Variants in GSTO2 observed in about 807,000 individuals in gnomAD.
GSTO2 encodes glutathione S-transferase omega-2.
GSTO2 carries 23 observed loss-of-function variants against 28.4 expected under a neutral mutation model. That is an observed-to-expected ratio of 0.81 (90% CI 0.58 to 1.15). GSTO2 has a LOEUF of 1.15. Among genes scored for constraint, GSTO2 ranks in the 50% most tolerant of loss-of-function variants. The probability of loss-of-function intolerance (pLI) is 0.00; values close to 1 mark genes in which losing one functional copy is unlikely to be tolerated. For synonymous variants in GSTO2, 109 were observed against 111.0 expected, an observed-to-expected ratio of 0.98 and a Z score of 0.11; for missense variants, 298 against 297.8, an observed-to-expected ratio of 1.00 and a Z score of 0.00.
In GSTO2 at chr10:104,299,188, A is replaced by G; in HGVS notation, c.636A>G (p.Thr212=). 1 of 1,614,208 alleles carries G rather than the reference A, an allele frequency of 6.2e-7. No individual in the cohort carries two copies. ...LWISAMKWDP[T]VCALLMDKSI... is the part of the protein sequence containing the mutation. ...TATCAGCCATGAAGTGGGACCCCAC[A>G]GTCTGTGCTCTTCTCATGGATAAGA... Residue 212 remains threonine (T), a synonymous_variant, in exon 7 of 7, where the codon ACA becomes ACG. Transcript: ENST00000338595.
chr10:104,279,611 A>T, intron 5 of GSTO2, 140 bp downstream of exon 5: 1 of 618,484 alleles, frequency 1.6e-6, no homozygotes. Flanking sequence ...ATCTGATTGC[A>T]TGTTTGCCCT....
intron 3 of GSTO2, among the ~76,000 whole-genome samples, chr10:104,275,938 T>C (rs1315116326): frequency 6.6e-6 from 1 of 152,000 alleles, no homozygotes; most frequent in Non-Finnish European, 1.5e-5. Context: ...TGTCTGGAAG[T>C]TTTCAAGACA....
At position 104,299,439 on chromosome 10, in the gene GSTO2, C is replaced by T. The variant is rs779040041; in HGVS notation, c.*155C>T. The T allele has an allele frequency of 2.0e-4, 170 of 855,558 alleles. No homozygotes were observed. Among genetic ancestry groups the T allele is most frequent in the Non-Finnish European group, 3.0e-4 (165 of 550,700 alleles). 53.0% of individuals were successfully genotyped at this position (855,558 alleles called of 1,614,324 possible). A position where few individuals can be genotyped will look rare whatever the true frequency, so the allele number is the denominator to read the frequency against. ...ATGTATTCTTCTGATAATCATTTGT[C>T]TGACTCCTCTAGCCTGTAGCTGCTG... is the stretch of plus-strand genomic sequence containing the variant. On this transcript the variant is annotated 3_prime_UTR_variant, in exon 7 of 7. Coordinates refer to ENST00000338595, the MANE Select transcript of GSTO2 (RefSeq NM_183239.2).
intron 5 of GSTO2, 136 bp downstream of exon 5, chr10:104,279,607 T>C (rs878897891): frequency 2.4e-5 from 15 of 621,568 alleles, no homozygotes; most frequent in South Asian, 1.5e-4. Context: ...GATCATCTGA[T>C]TGCATGTTTG....
At chr10:104,269,300 A>G (rs2011267260) in intron 1 of GSTO2, 31 bp downstream of exon 1, 2 of 152,208 alleles carry the variant, frequency 1.3e-5, no homozygotes. Context: ...TTGTATTGGA[A>G]GGGAAGAGGG....
chr10:104,291,760 C>T (rs1181336503), intron 5 of GSTO2: 1 of 152,174 alleles, frequency 6.6e-6, no homozygotes, highest in Non-Finnish European at 1.5e-5. Flanking sequence ...ATTTGCATCG[C>T]GTCCGTAGTC....
intron 5 of GSTO2, 164 bp from the exon 6 acceptor site, chr10:104,297,414 G>T (rs2013089530): frequency 3.9e-6 from 2 of 515,818 alleles, no homozygotes; most frequent in Non-Finnish European, 7.1e-6. Context: ...AAGAGGCAGA[G>T]GAGACCTCAG....
chr10:104,271,714 T>C (rs2011417027), intron 1 of GSTO2, among the ~76,000 whole-genome samples: 1 of 152,240 alleles, frequency 6.6e-6, no homozygotes, highest in African/African-American at 2.4e-5. Context: ...CACATACAGA[T>C]ACACTTTTCA....
rs571306421 is a variant in GSTO2, at chr10:104,297,570, AT to A, written c.469-3del. On this transcript the variant is annotated splice_polypyrimidine_tract_variant and splice_region_variant and intron_variant, in intron 5 of 6. Coordinates refer to ENST00000338595, the MANE Select transcript of GSTO2 (RefSeq NM_183239.2). Reference sequence around the variant, plus strand: ...ACTTATTTGCTTTTGCTTTGTTTCCATTTTTAGATTCTTGAGTATCAGAACA... The same window carrying A: ...ACTTATTTGCTTTTGCTTTGTTTCCATTTTAGATTCTTGAGTATCAGAACA... 4.0e-3 allele frequency: 6,297 copies of A among 1,585,944 alleles called. 21 individuals carry two copies. Among genetic ancestry groups the A allele is most frequent in the Non-Finnish European group, 5.0e-3 (5,779 of 1,155,220 alleles).
intron 5 of GSTO2, among the ~76,000 whole-genome samples, chr10:104,283,938 A>G (rs2012240894): frequency 1.3e-5 from 2 of 152,246 alleles, no homozygotes. Context: ...ATCCTGAAAC[A>G]GAAGGCTCAG....
rs542733026 is a variant in GSTO2, at chr10:104,300,641, G to A, written c.*1357G>A. ...GCATCTACTGCCTGCACTATGGGAG[G>A]GGGACCAAGTTTGTCCAATGCTGTT... On this transcript the variant is annotated 3_prime_UTR_variant, in exon 7 of 7. Coordinates refer to ENST00000338595, the MANE Select transcript of GSTO2 (RefSeq NM_183239.2). 2 of 152,388 alleles carry A rather than the reference G, an allele frequency of 1.3e-5. No individual in the cohort carries two copies. Among genetic ancestry groups the A allele is most frequent in the South Asian group, 4.1e-4 (2 of 4,830 alleles). The allele number at this position is 152,388 out of a possible 1,614,324, so 9.4% of individuals were successfully genotyped here.
intron 3 of GSTO2, among the ~76,000 whole-genome samples, chr10:104,276,523 G>C (rs934251142): frequency 5.9e-5 from 9 of 152,220 alleles, no homozygotes; most frequent in African/African-American, 1.2e-4. Context: ...AATGACAGTA[G>C]AGTCCCCCTT....
intron 5 of GSTO2, among the ~76,000 whole-genome samples, chr10:104,292,732 A>C (rs1197811735): frequency 1.3e-5 from 2 of 152,224 alleles, no homozygotes; most frequent in Non-Finnish European, 2.9e-5. Context: ...CTGGGATTAC[A>C]GGCATGAGCC....
rs2013100268 is a variant in GSTO2 at position 104,297,609 on chromosome 10, G to T, written c.500G>T (p.Gly167Val). ...ILEYQNTTFFGGTCISMIDYL... is the reference protein window; with the variant it reads ...ILEYQNTTFFVGTCISMIDYL... Reference sequence around the variant, plus strand: ...GAGTATCAGAACACCACCTTCTTTGGTGGAACCTGTATATCCATGATTGAT... The same window carrying T: ...GAGTATCAGAACACCACCTTCTTTGTTGGAACCTGTATATCCATGATTGAT... Residue 167 changes from glycine to valine, a missense_variant, in exon 6 of 7, where the codon GGT becomes GTT. Gly to Val is a moderately radical substitution (Grantham distance 109, BLOSUM62 -3). Transcript: ENST00000338595. The T allele has an allele frequency of 1.2e-6, 2 of 1,613,318 alleles. No individual in the cohort carries two copies. Among genetic ancestry groups the T allele is most frequent in the East Asian group, 4.5e-5 (2 of 44,856 alleles).
chr10:104,299,338 A>G lies in GSTO2; in HGVS notation c.*54A>G, dbSNP rs1279049398. 5.0e-6 allele frequency: 8 copies of G among 1,589,112 alleles called. No individual in the cohort carries two copies. Among genetic ancestry groups the G allele is most frequent in the Non-Finnish European group, 6.9e-6 (8 of 1,164,758 alleles). On this transcript the variant is annotated 3_prime_UTR_variant, in exon 7 of 7. Coordinates refer to ENST00000338595, the MANE Select transcript of GSTO2 (RefSeq NM_183239.2). ...GAATTCCCCAGCTTGTTGGGAGTCTACGTCACGGCTTGTCTTGGGAACCAA... is the reference window on the plus strand; with the variant it reads ...GAATTCCCCAGCTTGTTGGGAGTCTGCGTCACGGCTTGTCTTGGGAACCAA...
chr10:104,278,222 G>C (rs113205906), intron 4 of GSTO2, 106 bp downstream of exon 4: 41 of 796,516 alleles, frequency 5.1e-5, no homozygotes, highest in African/African-American at 2.2e-4. Context: ...GTTTTGTTTT[G>C]ATACCATGTG....
Position 104,299,193 on chromosome 10 carries a change from G to A in GSTO2, c.641G>A (p.Cys214Tyr). The change falls in exon 7 of 7, where the codon TGT becomes TAT. Residue 214 changes from cysteine to tyrosine, a missense_variant. Transcript: ENST00000338595. ...ISAMKWDPTV[C>Y]ALLMDKSIFQ... ...GCCATGAAGTGGGACCCCACAGTCTGTGCTCTTCTCATGGATAAGAGCATT... is the reference window on the plus strand; with the variant it reads ...GCCATGAAGTGGGACCCCACAGTCTATGCTCTTCTCATGGATAAGAGCATT... The A allele has an allele frequency of 6.2e-7, 1 of 1,614,230 alleles. No individual in the cohort carries two copies. The highest frequency in any genetic ancestry group is 8.5e-7 in the Non-Finnish European group (1 of 1,180,028).
chr10:104,278,045 G>A lies in GSTO2; in HGVS notation c.295G>A (p.Gly99Arg). 1 of 1,614,176 alleles carries A rather than the reference G, an allele frequency of 6.2e-7. No homozygotes were observed. The highest frequency in any genetic ancestry group is 8.5e-7 in the Non-Finnish European group (1 of 1,180,020). The change falls in exon 4 of 7, where the codon GGA (glycine) becomes AGA (arginine). Residue 99 changes from glycine to arginine, a missense_variant. Coordinates refer to ENST00000338595, the MANE Select transcript of GSTO2 (RefSeq NM_183239.2). ...ACEYLDDAYP[G>R]RKLFPYDPYE... Reference sequence around the variant, plus strand: ...TGAGTACCTGGATGATGCTTATCCAGGAAGGAAGCTGTTTCCATATGACCC... The same window carrying A: ...TGAGTACCTGGATGATGCTTATCCAAGAAGGAAGCTGTTTCCATATGACCC...
intron 5 of GSTO2, among the ~76,000 whole-genome samples, chr10:104,290,487 A>C (rs926012259): frequency 2.0e-5 from 3 of 151,918 alleles, no homozygotes; most frequent in African/African-American, 7.3e-5. Context: ...CTTGGGTGAC[A>C]GAGTCACACT....
Sources: gnomAD v4.1 joint callset for allele counts (sites outside exome capture counted in the v4.1 genomes callset) on GRCh38, gnomAD v4.1.1 for gene constraint, MANE v1.5 for transcripts, NCBI Gene and HGNC (gene_info 2026-07-23, HGNC 2026-07-21) for gene names.